Variants in CSNK2A2IP observed in about 807,000 individuals in gnomAD.
CSNK2A2IP encodes casein kinase II subunit alpha'-interacting protein.
chr3:88,351,910 T>C, the CSNK2A2IP span, among the ~76,000 whole-genome samples: 1 of 152,168 alleles, frequency 6.6e-6, no homozygotes, highest in Non-Finnish European at 1.5e-5. Context: ...AATTTTGTGA[T>C]GCTGTTACTG....
chr3:88,398,697 G>A, the CSNK2A2IP span, among the ~76,000 whole-genome samples: 1 of 152,104 alleles, frequency 6.6e-6, no homozygotes, highest in Admixed American at 6.5e-5. Flanking sequence ...ACAATTACAA[G>A]TTGAAAGCTA....
chr3:88,412,738 G>A, the CSNK2A2IP span, among the ~76,000 whole-genome samples: 1 of 151,920 alleles, frequency 6.6e-6, no homozygotes, highest in African/African-American at 2.4e-5. Flanking sequence ...TAGAGCATAA[G>A]GTGTAGCCTA....
the CSNK2A2IP span, among the ~76,000 whole-genome samples, chr3:88,428,335 G>A: frequency 2.0e-5 from 3 of 152,136 alleles, no homozygotes; most frequent in African/African-American, 4.8e-5. Context: ...TGTCTCAGAT[G>A]AGACTTTGGA....
At chr3:88,384,124 T>C in the CSNK2A2IP span, among the ~76,000 whole-genome samples, 2 of 152,066 alleles carry the variant, frequency 1.3e-5, no homozygotes, top group Non-Finnish European at 2.9e-5. Flanking sequence ...CTACTTTGGA[T>C]AGGGTATACT....
At chr3:88,387,346 T>C in the CSNK2A2IP span, among the ~76,000 whole-genome samples, 403 of 152,116 alleles carry the variant, frequency 2.6e-3, 5 homozygotes, top group African/African-American at 9.0e-3. Context: ...AATTTTTGTA[T>C]TTTTCGTAGA....
At chr3:88,379,136 T>C in the CSNK2A2IP span, among the ~76,000 whole-genome samples, 1 of 152,022 alleles carries the variant, frequency 6.6e-6, no homozygotes, top group Non-Finnish European at 1.5e-5. Flanking sequence ...CTGGTTTTAC[T>C]AGAGCTCAGT....
the CSNK2A2IP span, among the ~76,000 whole-genome samples, chr3:88,453,812 G>T: frequency 6.6e-6 from 1 of 151,932 alleles, no homozygotes; most frequent in Non-Finnish European, 1.5e-5. Flanking sequence ...TCCCTTACAT[G>T]GAACTACTAC....
the CSNK2A2IP span, among the ~76,000 whole-genome samples, chr3:88,444,940 G>A: frequency 6.6e-6 from 1 of 151,988 alleles, no homozygotes; most frequent in Non-Finnish European, 1.5e-5. Flanking sequence ...TCTTGTCACT[G>A]CTGTTTTAAA....
At chr3:88,437,161 C>A in the CSNK2A2IP span, among the ~76,000 whole-genome samples, 2 of 152,120 alleles carry the variant, frequency 1.3e-5, no homozygotes, top group African/African-American at 4.8e-5. Flanking sequence ...AAGTCAATGC[C>A]AGTGTAGTTT....
the CSNK2A2IP span, among the ~76,000 whole-genome samples, chr3:88,437,238 G>T: frequency 6.6e-6 from 1 of 152,096 alleles, no homozygotes; most frequent in Non-Finnish European, 1.5e-5. Flanking sequence ...TGATGCTAGT[G>T]TCTGCAGCCA....
the CSNK2A2IP span, among the ~76,000 whole-genome samples, chr3:88,345,214 G>A: frequency 6.6e-6 from 1 of 151,934 alleles, no homozygotes; most frequent in Non-Finnish European, 1.5e-5. Context: ...TTCAGGATAT[G>A]GAAACTTAAA....
chr3:88,352,263 C>T, the CSNK2A2IP span, among the ~76,000 whole-genome samples: 1 of 152,102 alleles, frequency 6.6e-6, no homozygotes, highest in Non-Finnish European at 1.5e-5. Context: ...AGACATAAAA[C>T]TCACATTGGT....
chr3:88,353,646 G>C, the CSNK2A2IP span, among the ~76,000 whole-genome samples: 2 of 152,056 alleles, frequency 1.3e-5, no homozygotes, highest in Non-Finnish European at 2.9e-5. Flanking sequence ...GAAAATCCTT[G>C]CTTTCAAGAT....
chr3:88,357,810 A>G, the CSNK2A2IP span, among the ~76,000 whole-genome samples: 1 of 151,598 alleles, frequency 6.6e-6, no homozygotes, highest in African/African-American at 2.4e-5. Context: ...GCTGGAGTGC[A>G]GTGGCATGAT....
At chr3:88,454,366 A>C in the CSNK2A2IP span, among the ~76,000 whole-genome samples, 1 of 151,682 alleles carries the variant, frequency 6.6e-6, no homozygotes, top group East Asian at 1.9e-4. Flanking sequence ...CTCTATTTTT[A>C]TGTTTTTTTC....
At chr3:88,355,368 A>T in the CSNK2A2IP span, among the ~76,000 whole-genome samples, 5 of 152,066 alleles carry the variant, frequency 3.3e-5, no homozygotes, top group Non-Finnish European at 5.9e-5. Flanking sequence ...ACCCAGGCAA[A>T]TGGAGCTCCT....
the CSNK2A2IP span, among the ~76,000 whole-genome samples, chr3:88,464,709 GTT>G: frequency 6.6e-6 from 1 of 151,124 alleles, no homozygotes; most frequent in Admixed American, 6.6e-5. Context: ...TTTTCTCTGA[GTT>G]TTTTTTTACA....
the CSNK2A2IP span, among the ~76,000 whole-genome samples, chr3:88,459,087 G>T: frequency 1.2e-4 from 18 of 151,888 alleles, no homozygotes; most frequent in Admixed American, 2.0e-4. Flanking sequence ...CCAATGATAA[G>T]TTTTCTATTT....
chr3:88,458,185 C>T, the CSNK2A2IP span, among the ~76,000 whole-genome samples: 1 of 113,816 alleles, frequency 8.8e-6, no homozygotes, highest in East Asian at 2.8e-4. Flanking sequence ...GAGTCTTGCT[C>T]TGTCACCCAG....
Sources: gnomAD v4.1 joint callset for allele counts (sites outside exome capture counted in the v4.1 genomes callset) on GRCh38, gnomAD v4.1.1 for gene constraint, MANE v1.5 for transcripts, NCBI Gene and HGNC (gene_info 2026-07-23, HGNC 2026-07-21) for gene names.